The following PRDM16 variants were observed in gnomAD, a reference collection of about 807,000 sequenced individuals.
PRDM16 encodes PR/SET domain 16.
PRDM16 carries 23 observed loss-of-function variants against 110.6 expected under a neutral mutation model. The observed-to-expected ratio is 0.21, with a 90% CI of 0.15 to 0.29. The LOEUF is 0.29. Among genes scored for constraint, PRDM16 ranks in the 10% least tolerant of loss-of-function variants. The probability of loss-of-function intolerance (pLI) is 1.00; values close to 1 mark genes in which losing one functional copy is unlikely to be tolerated. For synonymous variants in PRDM16, 799 were observed against 781.8 expected (o/e 1.02, Z -0.37); for missense variants, 1,615 against 1,794.3 (o/e 0.90, Z 1.81).
chr1:3,359,594 C>T lies in PRDM16; in HGVS notation c.439-25558C>T, dbSNP rs1642674952. Among the ~76,000 whole-genome samples the T allele has an allele frequency of 6.6e-6, 1 of 152,226 alleles. No homozygotes were observed. Among genetic ancestry groups the T allele is most frequent in the African/African-American group, 2.4e-5 (1 of 41,458 alleles). ...ACTCCAGGCTCGGGTTTCAGCCTCC[C>T]CTCCACCTGTCACCGTTGTTTATCC... On this transcript the variant is annotated intron_variant, in intron 3 of 16. Transcript: ENST00000270722. The surrounding 1 kb of genome is among the most constrained non-coding windows in gnomAD (Gnocchi z 4.3).
At chr1:3,424,390 C>T (rs1046048195) in intron 12 of PRDM16, among the ~76,000 whole-genome samples, 1 of 152,268 alleles carries the variant, frequency 6.6e-6, no homozygotes, top group African/African-American at 2.4e-5. Context: ...GGGGAACCCT[C>T]CACACGCAGC....
At chr1:3,414,175 G>A (rs1373410813) in intron 9 of PRDM16, among the ~76,000 whole-genome samples, 8 of 152,216 alleles carry the variant, frequency 5.3e-5, no homozygotes, top group Admixed American at 4.6e-4. Context: ...AGTTAGGCCG[G>A]GGTGCACGGG....
intron 4 of PRDM16, among the ~76,000 whole-genome samples, chr1:3,389,547 G>A (rs1188248912): frequency 6.6e-6 from 1 of 152,206 alleles, no homozygotes; most frequent in Non-Finnish European, 1.5e-5. Context: ...CCCTCCTCAT[G>A]GCTCATGGGA....
chr1:3,077,463 T>C (rs1337206311), intron 1 of PRDM16, among the ~76,000 whole-genome samples: 1 of 152,222 alleles, frequency 6.6e-6, no homozygotes, highest in East Asian at 1.9e-4. Context: ...TTGAACTTGG[T>C]TGAAGTGCTG....
At chr1:3,145,430 CT>C (rs1332772915) in intron 1 of PRDM16, among the ~76,000 whole-genome samples, 1 of 152,204 alleles carries the variant, frequency 6.6e-6, no homozygotes, top group Non-Finnish European at 1.5e-5. Context: ...TTCCCCAGCC[CT>C]GCCTCTGCAG....
intron 1 of PRDM16, among the ~76,000 whole-genome samples, chr1:3,145,913 G>A (rs538620491): frequency 4.6e-5 from 7 of 152,332 alleles, no homozygotes; most frequent in East Asian, 1.9e-4. Context: ...TCAGGCTGAC[G>A]TCCTGGAGAG....
At position 3,433,917 on chromosome 1, in the gene PRDM16, C is replaced by T. The variant is rs1323485624; in HGVS notation, c.*106C>T. On this transcript the variant is annotated 3_prime_UTR_variant, in exon 17 of 17. Coordinates refer to ENST00000270722, the MANE Select transcript of PRDM16 (RefSeq NM_022114.4). ...CCTGTCCCTGCGTGTGGCCACTCCT[C>T]AGCATCCTCCCCACCCACCATGGTT... The T allele has an allele frequency of 3.6e-6, 4 of 1,100,966 alleles. No homozygotes were observed. The highest frequency in any genetic ancestry group is 5.2e-6 in the Non-Finnish European group (4 of 774,776). The allele number at this position is 1,100,966 out of a possible 1,614,324, so 68.2% of individuals were successfully genotyped here.
intron 3 of PRDM16, among the ~76,000 whole-genome samples, chr1:3,293,379 G>C (rs1353135313): frequency 2.0e-5 from 3 of 152,200 alleles, no homozygotes; most frequent in South Asian, 4.1e-4. Context: ...AAAACACCGT[G>C]AATGCCGGCT....
intron 2 of PRDM16, among the ~76,000 whole-genome samples, chr1:3,217,336 C>T (rs151091451): frequency 1.2e-4 from 18 of 152,358 alleles, no homozygotes; most frequent in African/African-American, 3.1e-4. Flanking sequence ...GCTGTCAGTT[C>T]AGAAGACGCT....
At chr1:3,238,047 G>A (rs1478438495) in intron 2 of PRDM16, 1 of 152,482 alleles carries the variant, frequency 6.6e-6, no homozygotes, top group African/African-American at 2.4e-5. Context: ...TCGGGGCCCT[G>A]GAAGCAGAGC....
Position 3,244,472 on chromosome 1 carries a change from G to A in PRDM16, c.438+335G>A, listed in dbSNP as rs115586394. ...GGAAAATTAAATAAACGCAGGTTGT[G>A]TTTATTTAACTGTCTTTGCTGGATA... On this transcript the variant is annotated intron_variant, in intron 3 of 16. Coordinates refer to ENST00000270722, the MANE Select transcript of PRDM16 (RefSeq NM_022114.4). The surrounding 1 kb of genome is among the most constrained non-coding windows in gnomAD (Gnocchi z 4.1). Among the ~76,000 whole-genome samples the A allele has an allele frequency of 0.012, 1,810 of 152,264 alleles. 12 individuals carry two copies. The highest frequency in any genetic ancestry group is 0.03 in the South Asian group (143 of 4,822).
At chr1:3,281,862 T>C (rs1342118295) in intron 3 of PRDM16, among the ~76,000 whole-genome samples, 1 of 152,246 alleles carries the variant, frequency 6.6e-6, no homozygotes, top group Non-Finnish European at 1.5e-5. Flanking sequence ...ACGCCATCCC[T>C]GTACCAGGGG....
intron 3 of PRDM16, among the ~76,000 whole-genome samples, chr1:3,301,267 G>T (rs1342146426): frequency 6.8e-6 from 1 of 146,450 alleles, no homozygotes; most frequent in Non-Finnish European, 1.5e-5. Context: ...GGAGGTCAAG[G>T]CTGCAGTGAG....
At chr1:3,256,652 A>T (rs903482788) in intron 3 of PRDM16, among the ~76,000 whole-genome samples, 6 of 152,074 alleles carry the variant, frequency 3.9e-5, no homozygotes, top group Non-Finnish European at 8.8e-5. Flanking sequence ...AGGTCAGGAG[A>T]TCAAGACCAT....
intron 8 of PRDM16, among the ~76,000 whole-genome samples, chr1:3,409,192 TGTGA>T (rs1381760282): frequency 6.6e-6 from 1 of 150,720 alleles, no homozygotes; most frequent in Non-Finnish European, 1.5e-5. Context: ...TGCGTGTGTG[TGTGA>T]GAGTGTGGGC....
intron 3 of PRDM16, among the ~76,000 whole-genome samples, chr1:3,262,441 G>T (rs1165376171): frequency 6.6e-6 from 1 of 152,214 alleles, no homozygotes; most frequent in East Asian, 1.9e-4. Context: ...TTGCCCTGGG[G>T]CCCCCAAGGA....
intron 8 of PRDM16, among the ~76,000 whole-genome samples, chr1:3,406,724 C>G (rs1643568620): frequency 6.6e-6 from 1 of 152,030 alleles, no homozygotes; most frequent in African/African-American, 2.4e-5. Flanking sequence ...GCCTGGGCAA[C>G]AGAGCAAGAC....
chr1:3,376,026 G>A (rs964049923), intron 3 of PRDM16, among the ~76,000 whole-genome samples: 7 of 152,096 alleles, frequency 4.6e-5, no homozygotes, highest in African/African-American at 1.7e-4. Flanking sequence ...CGGCATCTGG[G>A]GTCCAGGTGC....
At chr1:3,236,020 ACT>A (rs1639531853) in intron 2 of PRDM16, among the ~76,000 whole-genome samples, 1 of 151,548 alleles carries the variant, frequency 6.6e-6, no homozygotes, top group Non-Finnish European at 1.5e-5. Flanking sequence ...GGTAACCTGC[ACT>A]CTCTCCTCTC....
Sources: gnomAD v4.1 joint callset for allele counts (sites outside exome capture counted in the v4.1 genomes callset) on GRCh38, gnomAD v4.1.1 for gene constraint, Gnocchi (gnomAD v3.1) non-coding constraint, MANE v1.5 for transcripts, NCBI Gene and HGNC (gene_info 2026-07-23, HGNC 2026-07-21) for gene names.